EYS: variants seen among roughly 807,000 people sequenced by gnomAD.
EYS encodes protein eyes shut homolog.
A neutral mutation model predicts 282.1 loss-of-function variants in EYS; 250 were observed. The ratio of observed to expected loss-of-function variants is 0.89; its 90% CI spans 0.80 to 0.98. EYS has a LOEUF of 0.98. Ranked by LOEUF, EYS falls within the 50% of genes least tolerant of loss-of-function variation. EYS has a pLI of 0.00. For missense variants in EYS, 4,016 were observed against 3,709.0 expected (o/e 1.08, Z -2.15); for synonymous variants, 1,355 against 1,282.9 (o/e 1.06, Z -1.20).
In EYS at chr6:64,591,446, G is replaced by C; in HGVS notation, c.4421C>G (p.Ala1474Gly). Residue 1474 changes from alanine (A) to glycine (G), a missense_variant, in exon 26 of 43, where the codon GCT becomes GGT. Coordinates refer to ENST00000503581, the MANE Select transcript of EYS (RefSeq NM_001142800.2). ...CTCTCTTCTTGAAATTAAAGAATCAGCTGAATATTCTTCAATATCCTCTTG... is the reference window on the plus strand; with the variant it reads ...CTCTCTTCTTGAAATTAAAGAATCACCTGAATATTCTTCAATATCCTCTTG... ...GAQEDIEEYS[A>G]DSLISRREHW... 6.4e-7 allele frequency: 1 copy of C among 1,551,348 alleles called. No individual in the cohort carries two copies. Among genetic ancestry groups the C allele is most frequent in the Non-Finnish European group, 8.7e-7 (1 of 1,146,788 alleles).
Position 65,384,438 on chromosome 6 carries a change from C to T in EYS, c.1247G>A (p.Ser416Asn), listed in dbSNP as rs761318837. The change falls in exon 8 of 43, where the codon AGC becomes AAC. Residue 416 changes from serine (S) to asparagine (N), a missense_variant. By Grantham distance (46) the Ser-to-Asn change is conservative. Coordinates refer to ENST00000503581, the MANE Select transcript of EYS (RefSeq NM_001142800.2). ...CCATTCTTCATTCAGACAGTTGATG[C>T]TGAGCAGTTTACAGTGGTCAATTGC... ...EKAIDHCKLLSINCLNEEWCF... is the reference protein window; with the variant it reads ...EKAIDHCKLLNINCLNEEWCF... 1.5e-5 allele frequency: 24 copies of T among 1,609,774 alleles called. No individual in the cohort carries two copies. The highest frequency in any genetic ancestry group is 2.0e-5 in the Non-Finnish European group (24 of 1,177,742).
intron 13 of EYS, among the ~76,000 whole-genome samples, chr6:65,010,357 G>A (rs185653438): frequency 1.3e-3 from 197 of 152,342 alleles, no homozygotes; most frequent in African/African-American, 4.5e-3. Context: ...AAGGAGACTT[G>A]TGGCTGTCAG....
chr6:64,913,288 T>C (rs79482367), intron 15 of EYS, among the ~76,000 whole-genome samples: 7,822 of 152,204 alleles, frequency 0.051, 266 homozygotes, highest in East Asian at 0.13. Context: ...AGGGCTTACA[T>C]GTGCAGGTTT....
chr6:64,037,800 C>T (rs1218690016), intron 33 of EYS, among the ~76,000 whole-genome samples: 1 of 152,130 alleles, frequency 6.6e-6, no homozygotes, highest in Non-Finnish European at 1.5e-5. Flanking sequence ...TACAGAGTCA[C>T]TGTGAATTTT....
intron 22 of EYS, among the ~76,000 whole-genome samples, chr6:64,686,789 G>GTGTGTGTATATATATATATATATA (rs1770134681): frequency 8.2e-5 from 1 of 12,186 alleles, no homozygotes; most frequent in African/African-American, 1.3e-4. Flanking sequence ...ATATATATAT[G>GTGTGTGTATATATATATATATATA]TGTGTATATA....
intron 35 of EYS, among the ~76,000 whole-genome samples, chr6:63,864,662 T>G (rs1238997629): frequency 1.3e-5 from 2 of 152,222 alleles, no homozygotes; most frequent in Non-Finnish European, 2.9e-5. Context: ...TTTTCAGGGC[T>G]TCATTGAATA....
rs1252437926 is a variant in EYS at position 64,948,936 on chromosome 6, A to G, written c.2260-3022T>C. 4.6e-5 allele frequency among the ~76,000 whole-genome samples: 7 copies of G among 151,910 alleles called. No homozygotes were observed. In the South Asian group the frequency reaches 1.4e-3, roughly 31 times the overall value. On this transcript the variant is annotated intron_variant, in intron 14 of 42. Coordinates refer to ENST00000503581, the MANE Select transcript of EYS (RefSeq NM_001142800.2). ...GCCAGTGAGAAAAAAATAAAGACAAAGCTGTCAAGTTTGATAGTTGTAAAT... is the reference window on the plus strand; with the variant it reads ...GCCAGTGAGAAAAAAATAAAGACAAGGCTGTCAAGTTTGATAGTTGTAAAT...
At chr6:65,013,118 C>T (rs1771932831) in intron 13 of EYS, among the ~76,000 whole-genome samples, 1 of 152,096 alleles carries the variant, frequency 6.6e-6, no homozygotes, top group African/African-American at 2.4e-5. Flanking sequence ...CCCATGCATA[C>T]CCTTTCTTTC....
chr6:64,688,833 C>T (rs1330982151), intron 22 of EYS, among the ~76,000 whole-genome samples: 1 of 152,058 alleles, frequency 6.6e-6, no homozygotes, highest in Non-Finnish European at 1.5e-5. Context: ...GTGTTAAAAT[C>T]TCCCATTATG....
At chr6:64,832,976 T>C (rs1433028793) in intron 19 of EYS, among the ~76,000 whole-genome samples, 1 of 151,918 alleles carries the variant, frequency 6.6e-6, no homozygotes, top group Non-Finnish European at 1.5e-5. Context: ...CAAATATTCT[T>C]ATGTGCATCA....
At chr6:63,984,260 G>C in intron 35 of EYS, 123 bp downstream of exon 35, 2 of 693,134 alleles carry the variant, frequency 2.9e-6, no homozygotes, top group East Asian at 5.4e-5. Context: ...GTGATGCATA[G>C]AAAAACTTGA....
At chr6:64,981,144 C>A (rs753133797) in intron 14 of EYS, among the ~76,000 whole-genome samples, 1 of 151,142 alleles carries the variant, frequency 6.6e-6, no homozygotes, top group African/African-American at 2.4e-5. Flanking sequence ...TGATTTTAAT[C>A]CAGGCAATAT....
chr6:65,552,080 C>T (rs1274305970), intron 2 of EYS, among the ~76,000 whole-genome samples: 1 of 11,268 alleles, frequency 8.9e-5, no homozygotes, highest in Non-Finnish European at 1.3e-4. Context: ...TGAAGAAATG[C>T]TCATCATCAC....
intron 22 of EYS, among the ~76,000 whole-genome samples, chr6:64,702,815 T>C (rs1770837194): frequency 6.6e-6 from 1 of 152,150 alleles, no homozygotes; most frequent in South Asian, 2.1e-4. Flanking sequence ...TTTAAGCATT[T>C]CAATACAGAA....
intron 12 of EYS, among the ~76,000 whole-genome samples, chr6:65,095,441 GAA>G (rs1048587551): frequency 5.2e-5 from 7 of 135,888 alleles, no homozygotes; most frequent in Admixed American, 2.2e-4. Flanking sequence ...GTTGTCACCA[GAA>G]AAAAAAAAAA....
intron 14 of EYS, among the ~76,000 whole-genome samples, chr6:64,972,155 AAAGAAGACGTGG>A (rs1770315874): frequency 6.6e-6 from 1 of 152,144 alleles, no homozygotes; most frequent in Non-Finnish European, 1.5e-5. Context: ...AGAAGATGAG[AAAGAAGACGTGG>A]AAGAAGACAT....
chr6:63,818,047 G>T (rs1736253144), intron 36 of EYS, among the ~76,000 whole-genome samples: 1 of 152,116 alleles, frequency 6.6e-6, no homozygotes, highest in Non-Finnish European at 1.5e-5. Context: ...TCAGAATAAT[G>T]TTTTTAAATT....
At chr6:64,433,120 C>T (rs373704533) in intron 28 of EYS, among the ~76,000 whole-genome samples, 5 of 151,954 alleles carry the variant, frequency 3.3e-5, no homozygotes, top group Non-Finnish European at 7.4e-5. Context: ...TTTCACAGAG[C>T]ATATTTGTTT....
At chr6:64,879,260 C>T (rs188378261) in intron 19 of EYS, among the ~76,000 whole-genome samples, 36 of 152,212 alleles carry the variant, frequency 2.4e-4, no homozygotes, top group African/African-American at 8.7e-4. Context: ...AATACAATAG[C>T]TGGCTTTGAT....
Sources: gnomAD v4.1 joint callset for allele counts (sites outside exome capture counted in the v4.1 genomes callset) on GRCh38, gnomAD v4.1.1 for gene constraint, MANE v1.5 for transcripts, NCBI Gene and HGNC (gene_info 2026-07-23, HGNC 2026-07-21) for gene names.